The following LRRC4C variants were observed in gnomAD, a reference collection of about 807,000 sequenced individuals.
LRRC4C encodes the protein leucine rich repeat containing 4C, also known as leucine-rich repeat-containing protein 4C.
A neutral mutation model predicts 33.6 loss-of-function variants in LRRC4C; 5 were observed. The ratio of observed to expected loss-of-function variants is 0.15; its 90% CI spans 0.08 to 0.31. The LOEUF (loss-of-function observed/expected upper bound fraction) is 0.31. Among genes scored for constraint, LRRC4C ranks in the 10% least tolerant of loss-of-function variants. The probability of loss-of-function intolerance (pLI) is 1.00; values close to 1 mark genes in which losing one functional copy is unlikely to be tolerated. For missense variants in LRRC4C, 560 were observed against 796.7 expected (o/e 0.70, Z 3.58); for synonymous variants, 329 against 302.0 (o/e 1.09, Z -0.93).
At chr11:41,367,986 T>C (rs1436746163) in intron 1 of LRRC4C, among the ~76,000 whole-genome samples, 1 of 152,200 alleles carries the variant, frequency 6.6e-6, no homozygotes, top group Non-Finnish European at 1.5e-5. Flanking sequence ...TTGCCTTAGA[T>C]TGTAGCCAAA....
rs1156390918 is a variant in LRRC4C at position 40,389,627 on chromosome 11, T to C, written c.-269-69906A>G. Among the ~76,000 whole-genome samples the C allele has an allele frequency of 2.0e-5, 3 of 152,164 alleles. No homozygotes were observed. In the East Asian group the frequency reaches 5.8e-4, roughly 29 times the overall value. ...AGTGGAGTAACATCTTACTTTAGGCTCAAGGAGTTGTTAATAATTATTACA... is the reference window on the plus strand; with the variant it reads ...AGTGGAGTAACATCTTACTTTAGGCCCAAGGAGTTGTTAATAATTATTACA... On this transcript the variant is annotated intron_variant, in intron 3 of 6. Coordinates refer to ENST00000528697, the MANE Select transcript of LRRC4C (RefSeq NM_001258419.2).
At chr11:40,307,264 T>C (rs1055201200) in intron 4 of LRRC4C, among the ~76,000 whole-genome samples, 7 of 152,184 alleles carry the variant, frequency 4.6e-5, no homozygotes, top group African/African-American at 9.7e-5. Flanking sequence ...GTAAATTAGA[T>C]AGTTTTAAAT....
At chr11:40,869,918 C>A (rs1485063317) in intron 2 of LRRC4C, among the ~76,000 whole-genome samples, 1 of 152,120 alleles carries the variant, frequency 6.6e-6, no homozygotes, top group Non-Finnish European at 1.5e-5. Flanking sequence ...TCCCCTTCTG[C>A]CTTAGGCCCC....
At chr11:40,174,707 T>C (rs189161636) in intron 5 of LRRC4C, among the ~76,000 whole-genome samples, 137 of 152,292 alleles carry the variant, frequency 9.0e-4, no homozygotes, top group African/African-American at 3.2e-3. Flanking sequence ...CACAAGACAA[T>C]ACAGTTCATG....
At chr11:41,299,983 A>C (rs1315006444) in intron 1 of LRRC4C, among the ~76,000 whole-genome samples, 1 of 152,132 alleles carries the variant, frequency 6.6e-6, no homozygotes, top group East Asian at 1.9e-4. Flanking sequence ...AAATGGAATA[A>C]GTTTTCCAAG....
At chr11:41,058,737 A>G (rs1858829284) in intron 1 of LRRC4C, among the ~76,000 whole-genome samples, 1 of 152,240 alleles carries the variant, frequency 6.6e-6, no homozygotes, top group Non-Finnish European at 1.5e-5. Flanking sequence ...AAATTTTTCT[A>G]CCATGAAGAA....
chr11:40,708,679 T>C (rs918465332), intron 2 of LRRC4C, among the ~76,000 whole-genome samples: 4 of 152,186 alleles, frequency 2.6e-5, no homozygotes, highest in African/African-American at 9.7e-5. Context: ...CTGAGAAGAA[T>C]GTATATTCTG....
At chr11:40,477,437 A>C (rs118052813) in intron 3 of LRRC4C, among the ~76,000 whole-genome samples, 1 of 152,214 alleles carries the variant, frequency 6.6e-6, no homozygotes, top group Non-Finnish European at 1.5e-5. Flanking sequence ...CTCTTCTTGG[A>C]AGTATTCTCT....
intron 1 of LRRC4C, among the ~76,000 whole-genome samples, chr11:41,085,122 G>A (rs1435837403): frequency 6.6e-6 from 1 of 152,156 alleles, no homozygotes; most frequent in Non-Finnish European, 1.5e-5. Flanking sequence ...TAATCCTTAA[G>A]CTAGTGAAGT....
At chr11:40,819,981 A>T (rs1171570823) in intron 2 of LRRC4C, among the ~76,000 whole-genome samples, 1 of 152,072 alleles carries the variant, frequency 6.6e-6, no homozygotes, top group Non-Finnish European at 1.5e-5. Context: ...AAAAGTGACT[A>T]AATTAAAAAA....
intron 2 of LRRC4C, among the ~76,000 whole-genome samples, chr11:40,709,591 C>T (rs557653176): frequency 6.6e-6 from 1 of 152,298 alleles, no homozygotes; most frequent in South Asian, 2.1e-4. Flanking sequence ...GTCTGATGGG[C>T]TTCCTTTTGT....
chr11:40,430,593 G>A (rs1195980431), intron 3 of LRRC4C, among the ~76,000 whole-genome samples: 2 of 152,064 alleles, frequency 1.3e-5, no homozygotes, highest in Admixed American at 1.3e-4. Flanking sequence ...TTCTGGAACT[G>A]GCAAAAGAGA....
intron 3 of LRRC4C, among the ~76,000 whole-genome samples, chr11:40,486,874 A>T (rs535036064): frequency 6.6e-6 from 1 of 152,176 alleles, no homozygotes; most frequent in South Asian, 2.1e-4. Context: ...TGTTTGGATA[A>T]TGCTCAAAAT....
chr11:40,238,546 T>C (rs966158721), intron 5 of LRRC4C, among the ~76,000 whole-genome samples: 2 of 152,162 alleles, frequency 1.3e-5, no homozygotes, highest in Non-Finnish European at 2.9e-5. Flanking sequence ...AAGCACAGCA[T>C]ATCAAAGGAA....
At chr11:41,230,350 T>C (rs1272142022) in intron 1 of LRRC4C, among the ~76,000 whole-genome samples, 1 of 152,052 alleles carries the variant, frequency 6.6e-6, no homozygotes, top group African/African-American at 2.4e-5. Context: ...CTGTCATCTT[T>C]CTGGATAATC....
chr11:40,482,716 C>T (rs1221214243), intron 3 of LRRC4C, among the ~76,000 whole-genome samples: 2 of 152,094 alleles, frequency 1.3e-5, no homozygotes, highest in East Asian at 3.9e-4. Context: ...AGCAATCTGC[C>T]TGCCTTGGTC....
chr11:41,172,649 T>C (rs1945025881), intron 1 of LRRC4C, among the ~76,000 whole-genome samples: 1 of 152,144 alleles, frequency 6.6e-6, no homozygotes, highest in Admixed American at 6.6e-5. Flanking sequence ...ATTTATTTCA[T>C]TAAAATTCCT....
intron 2 of LRRC4C, among the ~76,000 whole-genome samples, chr11:40,821,497 G>T (rs1227726855): frequency 3.3e-5 from 5 of 151,492 alleles, no homozygotes; most frequent in Non-Finnish European, 7.4e-5. Flanking sequence ...CCTTACAGGT[G>T]TAGTCAATTA....
At chr11:41,140,670 G>A (rs191618606) in intron 1 of LRRC4C, among the ~76,000 whole-genome samples, 7 of 152,314 alleles carry the variant, frequency 4.6e-5, no homozygotes, top group African/African-American at 1.4e-4. Context: ...GTTCTTCCCA[G>A]CCTTATTTGC....
Sources: gnomAD v4.1 joint callset for allele counts (sites outside exome capture counted in the v4.1 genomes callset) on GRCh38, gnomAD v4.1.1 for gene constraint, MANE v1.5 for transcripts, NCBI Gene and HGNC (gene_info 2026-07-23, HGNC 2026-07-21) for gene names.